NSD2: variants seen among roughly 807,000 people sequenced by gnomAD.
NSD2 encodes the protein nuclear receptor binding SET domain protein 2.
NSD2 carries 12 observed loss-of-function variants against 139.0 expected under a neutral mutation model. The ratio of observed to expected loss-of-function variants is 0.09; its 90% CI spans 0.06 to 0.14. The LOEUF is 0.14. Among genes scored for constraint, NSD2 ranks in the 10% least tolerant of loss-of-function variants. The pLI is 1.00. For synonymous variants in NSD2, 669 were observed against 648.7 expected, an observed-to-expected ratio of 1.03 and a Z score of -0.48; for missense variants, 1,155 against 1,745.0, an observed-to-expected ratio of 0.66 and a Z score of 6.02.
At chr4:1,964,938 C>CA (rs1725728623) in intron 18 of NSD2, among the ~76,000 whole-genome samples, 2 of 149,514 alleles carry the variant, frequency 1.3e-5, no homozygotes, top group Admixed American at 6.7e-5. Flanking sequence ...CTGCAACAAT[C>CA]AAAACAAGAA....
intron 1 of NSD2, among the ~76,000 whole-genome samples, chr4:1,874,506 G>A (rs1252289683): frequency 6.6e-6 from 1 of 152,164 alleles, no homozygotes; most frequent in Non-Finnish European, 1.5e-5. Context: ...CACTCAGTAA[G>A]TGCCGAATAA....
intron 18 of NSD2, among the ~76,000 whole-genome samples, chr4:1,971,664 G>A (rs1560800855): frequency 6.6e-6 from 1 of 152,184 alleles, no homozygotes; most frequent in Non-Finnish European, 1.5e-5. Context: ...CATGGGAGGA[G>A]GGGACCTGGG....
intron 6 of NSD2, among the ~76,000 whole-genome samples, chr4:1,932,125 A>G (rs562356772): frequency 1.5e-4 from 23 of 151,538 alleles, no homozygotes; most frequent in African/African-American, 5.3e-4. Context: ...TCACGCGCCC[A>G]TGACCTCAGT....
chr4:1,975,288 T>C lies in NSD2; in HGVS notation c.3515-6T>C. 6.2e-7 allele frequency: 1 copy of C among 1,614,100 alleles called. No individual in the cohort carries two copies. The highest frequency in any genetic ancestry group is 8.5e-7 in the Non-Finnish European group (1 of 1,179,948). On this transcript the variant is annotated splice_region_variant and splice_polypyrimidine_tract_variant and intron_variant, in intron 19 of 21. Coordinates refer to ENST00000508803, the MANE Select transcript of NSD2 (RefSeq NM_001042424.3). ...CCAATTTGGTGTCTGTCTCCTCTTC[T>C]CCCAGGGACGGAGCTGACTTTTAAC... is the stretch of plus-strand genomic sequence containing the variant.
intron 1 of NSD2, among the ~76,000 whole-genome samples, chr4:1,899,950 A>G (rs115391423): frequency 1.1e-4 from 16 of 152,332 alleles, no homozygotes; most frequent in Non-Finnish European, 1.9e-4. Flanking sequence ...GTGGACTGAG[A>G]TAAGAATACT....
intron 16 of NSD2, 104 bp from the exon 17 acceptor site, chr4:1,959,366 TA>T: frequency 7.0e-7 from 1 of 1,423,164 alleles, no homozygotes. Flanking sequence ...TGAAGCTTTC[TA>T]AAAGGCCACC....
At position 1,973,820 on chromosome 4, in the gene NSD2, C is replaced by T. The variant is rs76431401; in HGVS notation, c.3373-1043C>T. The stretch of plus-strand genomic sequence containing the variant: ...GTTTTGTTTGAACACGTGACTGTTA[C>T]GCTTTATGTGGCCTTTTGATTTCTC... On this transcript the variant is annotated intron_variant, in intron 18 of 21. Transcript: ENST00000508803. This position sits in a 1 kb window ranked among gnomAD's most constrained non-coding sequence, Gnocchi z 5.5. Among the ~76,000 whole-genome samples, 6 of 152,346 alleles carry T rather than the reference C, an allele frequency of 3.9e-5. No homozygotes were observed. The East Asian group carries it at 5.8e-4, about 15-fold the overall frequency.
chr4:1,904,110 G>A (rs1717571748), intron 2 of NSD2, 106 bp from the exon 3 acceptor site: 5 of 1,242,974 alleles, frequency 4.0e-6, no homozygotes, highest in African/African-American at 3.1e-5. Context: ...CCATTTTTGG[G>A]GGTCTGTGTG....
intron 1 of NSD2, among the ~76,000 whole-genome samples, chr4:1,885,879 A>G (rs1421090069): frequency 6.6e-6 from 1 of 152,052 alleles, no homozygotes; most frequent in East Asian, 1.9e-4. Context: ...TCCAGCCTAG[A>G]GTTTATATAA....
chr4:1,943,654 A>G, intron 9 of NSD2: 1 of 1,048,090 alleles, frequency 9.5e-7, no homozygotes, highest in Non-Finnish European at 1.2e-6. Context: ...AGCCCCAAAG[A>G]TGGTCTAGGA....
chr4:1,929,347 C>A (rs377256701), intron 5 of NSD2, among the ~76,000 whole-genome samples: 1 of 152,120 alleles, frequency 6.6e-6, no homozygotes, highest in East Asian at 1.9e-4. Flanking sequence ...GTAATGGTAA[C>A]CAACCAACAT....
intron 7 of NSD2, among the ~76,000 whole-genome samples, chr4:1,937,921 A>AT (rs1722595948): frequency 6.6e-6 from 1 of 152,162 alleles, no homozygotes; most frequent in African/African-American, 2.4e-5. Flanking sequence ...ATCTTTGTTC[A>AT]TTAGGTGTAT....
chr4:1,918,724 A>T, intron 5 of NSD2, 101 bp downstream of exon 5: 1 of 1,462,140 alleles, frequency 6.8e-7, no homozygotes. Flanking sequence ...GGAGACTCTA[A>T]CATGAGCCTT....
At chr4:1,913,066 T>A (rs1560624354) in intron 3 of NSD2, among the ~76,000 whole-genome samples, 1 of 152,216 alleles carries the variant, frequency 6.6e-6, no homozygotes, top group Non-Finnish European at 1.5e-5. Flanking sequence ...TACTCTTTAT[T>A]CAAATATTAT....
At chr4:1,885,117 A>T (rs542845762) in intron 1 of NSD2, among the ~76,000 whole-genome samples, 108 of 149,138 alleles carry the variant, frequency 7.2e-4, no homozygotes, top group East Asian at 1.9e-3. Context: ...TTTCAAAAAA[A>T]AAAAATAAAA....
At chr4:1,945,949 AT>A (rs1219622133) in intron 9 of NSD2, 1 of 1,053,810 alleles carries the variant, frequency 9.5e-7, no homozygotes, top group African/African-American at 1.7e-5. Context: ...TTTTTAATTA[AT>A]TTCAAAGCTT....
At position 1,979,225 on chromosome 4, in the gene NSD2, A is replaced by T. The variant is rs1727496457; in HGVS notation, c.*316A>T. On this transcript the variant is annotated 3_prime_UTR_variant, in exon 22 of 22. Transcript: ENST00000508803. ...ACTCTATTTTTTTAGGTTAAAGTTA[A>T]TTGGCATATGGAATGTTTTAATCTC... 3.2e-6 allele frequency: 1 copy of T among 314,188 alleles called. No homozygotes were observed. Among genetic ancestry groups the T allele is most frequent in the Non-Finnish European group, 5.8e-6 (1 of 171,974 alleles). The allele number at this position is 314,188 out of a possible 1,614,324, so 19.5% of individuals were successfully genotyped here. A position where few individuals can be genotyped will look rare whatever the true frequency, so the allele number is the denominator to read the frequency against.
chr4:1,881,847 G>A (rs752884987), intron 1 of NSD2, among the ~76,000 whole-genome samples: 2 of 152,214 alleles, frequency 1.3e-5, no homozygotes, highest in Non-Finnish European at 2.9e-5. Flanking sequence ...AGACACTAGA[G>A]CAGGGAGCAG....
rs138680926 is a variant in NSD2 at position 1,979,298 on chromosome 4, G to A, written c.*389G>A. 6.1e-4 allele frequency: 150 copies of A among 245,966 alleles called. No individual in the cohort carries two copies. In the East Asian group the frequency reaches 8.7e-3, roughly 14 times the overall value. 15.2% of individuals were successfully genotyped at this position (245,966 alleles called of 1,614,324 possible). A position where few individuals can be genotyped will look rare whatever the true frequency, so the allele number is the denominator to read the frequency against. On this transcript the variant is annotated 3_prime_UTR_variant, in exon 22 of 22. Transcript: ENST00000508803. ...TTTTCCCAAGGGTCGCTAGAAACTC[G>A]TCTTCGCGTTGCCCCCTTTCTGGCT...
Sources: gnomAD v4.1 joint callset for allele counts (sites outside exome capture counted in the v4.1 genomes callset) on GRCh38, gnomAD v4.1.1 for gene constraint, Gnocchi (gnomAD v3.1) non-coding constraint, MANE v1.5 for transcripts, NCBI Gene and HGNC (gene_info 2026-07-23, HGNC 2026-07-21) for gene names.